Variants in VPS13B observed in about 807,000 individuals in gnomAD.
VPS13B encodes the protein vacuolar protein sorting 13 homolog B.
In VPS13B, 285 loss-of-function variants were observed where a neutral mutation model predicts 426.4. The observed-to-expected ratio is 0.67, with a 90% CI of 0.61 to 0.74. The LOEUF (loss-of-function observed/expected upper bound fraction) is 0.74. Ranked by LOEUF, VPS13B falls within the 30% of genes least tolerant of loss-of-function variation. The pLI is 0.00. For missense variants in VPS13B, 4,537 were observed against 4,782.6 expected (o/e 0.95, Z 1.51); for synonymous variants, 1,676 against 1,676.4 (o/e 1.00, Z 0.01).
chr8:99,563,225 G>C (rs1468179346), intron 31 of VPS13B, among the ~76,000 whole-genome samples: 1 of 152,112 alleles, frequency 6.6e-6, no homozygotes, highest in Non-Finnish European at 1.5e-5. Context: ...GCCATCAAAG[G>C]TCTTTTACAC....
intron 17 of VPS13B, among the ~76,000 whole-genome samples, chr8:99,257,214 C>CT (rs1246064579): frequency 7.9e-5 from 12 of 152,124 alleles, no homozygotes; most frequent in Admixed American, 2.6e-4. Flanking sequence ...GTAGCAGCAA[C>CT]TGATTGCCCT....
intron 3 of VPS13B, among the ~76,000 whole-genome samples, chr8:99,047,726 C>T (rs533706339): frequency 2.6e-5 from 4 of 152,140 alleles, no homozygotes; most frequent in Admixed American, 2.6e-4. Context: ...CTTGCTTTGT[C>T]ACCCAGGTTG....
intron 17 of VPS13B, among the ~76,000 whole-genome samples, chr8:99,248,768 G>T (rs767088209): frequency 2.6e-5 from 4 of 152,052 alleles, no homozygotes; most frequent in Admixed American, 6.6e-5. Context: ...GAACCAGATG[G>T]TTTTCTTTCT....
intron 44 of VPS13B, 130 bp from the exon 45 acceptor site, chr8:99,817,410 T>C: frequency 8.1e-7 from 1 of 1,239,244 alleles, no homozygotes; most frequent in South Asian, 1.4e-5. Flanking sequence ...TTCCTTCTTG[T>C]ACTGTTTAAG....
At chr8:99,662,980 C>G (rs1830301176) in intron 35 of VPS13B, among the ~76,000 whole-genome samples, 1 of 152,126 alleles carries the variant, frequency 6.6e-6, no homozygotes, top group African/African-American at 2.4e-5. Flanking sequence ...ATTGCTTGAA[C>G]TGGGAGGCAA....
At chr8:99,481,405 G>A (rs966089477) in intron 24 of VPS13B, among the ~76,000 whole-genome samples, 194 bp from the exon 25 acceptor site, 3 of 152,138 alleles carry the variant, frequency 2.0e-5, no homozygotes, top group African/African-American at 7.2e-5. Context: ...GGAATGCTAG[G>A]TTGATGAAAA....
At chr8:99,673,878 C>T (rs1474410614) in intron 35 of VPS13B, among the ~76,000 whole-genome samples, 1 of 151,968 alleles carries the variant, frequency 6.6e-6, no homozygotes, top group Non-Finnish European at 1.5e-5. Flanking sequence ...CATTCAGGAG[C>T]ATGTTATTTA....
chr8:99,530,398 T>G (rs1160126721), intron 30 of VPS13B, among the ~76,000 whole-genome samples: 1 of 152,072 alleles, frequency 6.6e-6, no homozygotes, highest in African/African-American at 2.4e-5. Context: ...GCGGATCACC[T>G]GAGGTCAGGA....
chr8:99,539,295 ATAC>A, intron 30 of VPS13B, among the ~76,000 whole-genome samples: 1 of 152,350 alleles, frequency 6.6e-6, no homozygotes. Context: ...AAATATAGAT[ATAC>A]AACATGTATA....
At chr8:99,309,345 A>C (rs1425857967) in intron 19 of VPS13B, among the ~76,000 whole-genome samples, 3 of 152,146 alleles carry the variant, frequency 2.0e-5, no homozygotes, top group Non-Finnish European at 2.9e-5. Context: ...ATCCATCGTG[A>C]ATTAATTTTT....
chr8:99,476,465 G>A (rs1323466309), intron 24 of VPS13B, among the ~76,000 whole-genome samples: 1 of 150,908 alleles, frequency 6.6e-6, no homozygotes, highest in Non-Finnish European at 1.5e-5. Context: ...CTACATGTAA[G>A]GCAGACATGA....
chr8:99,117,416 T>C (rs1847715057), intron 7 of VPS13B, among the ~76,000 whole-genome samples: 1 of 152,322 alleles, frequency 6.6e-6, no homozygotes, highest in South Asian at 2.1e-4. Context: ...AGAGTTACCA[T>C]GTTGACCCAG....
intron 23 of VPS13B, among the ~76,000 whole-genome samples, chr8:99,448,558 C>T (rs1040858984): frequency 1.3e-5 from 2 of 152,100 alleles, no homozygotes; most frequent in African/African-American, 4.8e-5. Context: ...CACATGTACC[C>T]AGATAGAAAA....
At chr8:99,117,441 C>T (rs935684723) in intron 7 of VPS13B, among the ~76,000 whole-genome samples, 5 of 152,050 alleles carry the variant, frequency 3.3e-5, no homozygotes, top group South Asian at 2.1e-4. Context: ...TCCATTCCTA[C>T]GTGTATATCA....
intron 21 of VPS13B, among the ~76,000 whole-genome samples, chr8:99,430,138 G>A (rs1231134978): frequency 6.6e-6 from 1 of 151,964 alleles, no homozygotes; most frequent in Non-Finnish European, 1.5e-5. Flanking sequence ...TACAATTTCT[G>A]ATATTGACAA....
intron 44 of VPS13B, among the ~76,000 whole-genome samples, chr8:99,812,369 G>A (rs1813755896): frequency 6.6e-6 from 1 of 152,110 alleles, no homozygotes; most frequent in Non-Finnish European, 1.5e-5. Flanking sequence ...GTGGATTCTT[G>A]TCTCCCTCAC....
intron 30 of VPS13B, among the ~76,000 whole-genome samples, chr8:99,541,554 T>C (rs955937336): frequency 6.6e-6 from 1 of 152,178 alleles, no homozygotes; most frequent in Non-Finnish European, 1.5e-5. Flanking sequence ...TGTGTCCATG[T>C]GTTCTCATTG....
chr8:99,520,382 A>G (rs1046611346), intron 29 of VPS13B, among the ~76,000 whole-genome samples: 1 of 144,406 alleles, frequency 6.9e-6, no homozygotes, highest in African/African-American at 2.6e-5. Context: ...GCTTAAAGTG[A>G]TATACTTTGT....
At chr8:99,697,341 C>T (rs1356448625) in intron 35 of VPS13B, 14 of 574,218 alleles carry the variant, frequency 2.4e-5, no homozygotes, top group Non-Finnish European at 3.7e-5. Flanking sequence ...CCCTCGAAGG[C>T]CAGGGGCCTA....
Sources: gnomAD v4.1 joint callset for allele counts (sites outside exome capture counted in the v4.1 genomes callset) on GRCh38, gnomAD v4.1.1 for gene constraint, MANE v1.5 for transcripts, NCBI Gene and HGNC (gene_info 2026-07-23, HGNC 2026-07-21) for gene names.